Variants in DSCAM observed in about 807,000 individuals in gnomAD.
The protein encoded by DSCAM is DS cell adhesion molecule.
Under a neutral mutation model 217.7 loss-of-function variants are expected in DSCAM, and 47 were observed. The ratio of observed to expected loss-of-function variants is 0.22; its 90% CI spans 0.17 to 0.28. The LOEUF is 0.28. Among genes scored for constraint, DSCAM ranks in the 10% least tolerant of loss-of-function variants. The probability of loss-of-function intolerance (pLI) is 1.00; values close to 1 mark genes in which losing one functional copy is unlikely to be tolerated. For synonymous variants in DSCAM, 1,056 were observed against 1,015.3 expected, an observed-to-expected ratio of 1.04 and a Z score of -0.76; for missense variants, 2,080 against 2,618.3, an observed-to-expected ratio of 0.79 and a Z score of 4.49.
intron 3 of DSCAM, among the ~76,000 whole-genome samples, chr21:40,620,627 G>C (rs2146298720): frequency 6.6e-6 from 1 of 152,286 alleles, no homozygotes; most frequent in African/African-American, 2.4e-5. Context: ...AATACCAAAT[G>C]ATGGTGAGAA....
Position 40,390,874 on chromosome 21 carries a change from C to A in DSCAM, c.509-21629G>T, listed in dbSNP as rs191286018. Among the ~76,000 whole-genome samples, 884 of 152,230 alleles carry A rather than the reference C, an allele frequency of 5.8e-3. 7 individuals carry two copies. The highest frequency in any genetic ancestry group is 6.7e-3 in the Non-Finnish European group (457 of 68,026). On this transcript the variant is annotated intron_variant, in intron 3 of 32. Coordinates refer to ENST00000400454, the MANE Select transcript of DSCAM (RefSeq NM_001389.5). Reference sequence around the variant, plus strand: ...ATAAGGTCACATTCTGAGCCACTGGCGCATTAGAGCTTCAATATCATTTGA... The same window carrying A: ...ATAAGGTCACATTCTGAGCCACTGGAGCATTAGAGCTTCAATATCATTTGA...
At chr21:40,648,284 C>T (rs1160596791) in intron 3 of DSCAM, among the ~76,000 whole-genome samples, 1 of 140,062 alleles carries the variant, frequency 7.1e-6, no homozygotes, top group East Asian at 3.0e-4. Flanking sequence ...CACACACACT[C>T]ACACACTGCT....
intron 29 of DSCAM, 65 bp downstream of exon 29, chr21:40,055,660 G>T: frequency 8.2e-7 from 1 of 1,220,844 alleles, no homozygotes; most frequent in Non-Finnish European, 1.2e-6. Flanking sequence ...ACATCCTGGG[G>T]TTTGGATTGA....
At chr21:40,187,687 G>A (rs563367770) in intron 13 of DSCAM, among the ~76,000 whole-genome samples, 7 of 152,194 alleles carry the variant, frequency 4.6e-5, no homozygotes, top group East Asian at 1.9e-4. Flanking sequence ...TAAGGGCTTC[G>A]TTCCCTGTTT....
intron 3 of DSCAM, among the ~76,000 whole-genome samples, chr21:40,560,810 G>C (rs916035273): frequency 1.3e-5 from 2 of 152,210 alleles, no homozygotes; most frequent in African/African-American, 2.4e-5. Context: ...AGCATCAAAA[G>C]AGAGTATGGA....
chr21:40,084,160 T>C (rs1352535184), intron 23 of DSCAM, among the ~76,000 whole-genome samples, 154 bp from the exon 24 acceptor site: 1 of 152,224 alleles, frequency 6.6e-6, no homozygotes, highest in Non-Finnish European at 1.5e-5. Flanking sequence ...AAAATGTCTA[T>C]TTAGTTGATA....
intron 32 of DSCAM, among the ~76,000 whole-genome samples, chr21:40,031,238 A>ATG (rs1490669340): frequency 2.0e-5 from 3 of 152,106 alleles, no homozygotes; most frequent in African/African-American, 7.2e-5. Context: ...GAGAACAGTG[A>ATG]TGTGGGGGTA....
At chr21:40,583,776 C>T (rs1601765138) in intron 3 of DSCAM, among the ~76,000 whole-genome samples, 1 of 151,882 alleles carries the variant, frequency 6.6e-6, no homozygotes, top group East Asian at 1.9e-4. Context: ...AACAAATGTA[C>T]CACTCTTGCG....
intron 11 of DSCAM, among the ~76,000 whole-genome samples, chr21:40,225,333 A>G (rs2091322607): frequency 6.6e-6 from 1 of 152,128 alleles, no homozygotes; most frequent in African/African-American, 2.4e-5. Context: ...AGCCCATGAC[A>G]TCTGCCTTGT....
chr21:40,363,240 G>C (rs902745942), intron 4 of DSCAM, among the ~76,000 whole-genome samples: 23 of 135,012 alleles, frequency 1.7e-4, no homozygotes, highest in Non-Finnish European at 2.8e-4. Flanking sequence ...TGTACCAATA[G>C]TTTTTTGTGT....
chr21:40,499,606 A>G (rs571317236), intron 3 of DSCAM, among the ~76,000 whole-genome samples: 13 of 152,344 alleles, frequency 8.5e-5, no homozygotes, highest in African/African-American at 3.1e-4. Flanking sequence ...TAATTAGGGA[A>G]TTTAACTTTA....
intron 3 of DSCAM, among the ~76,000 whole-genome samples, chr21:40,616,857 A>T (rs1161520046): frequency 6.6e-6 from 1 of 151,652 alleles, no homozygotes; most frequent in Non-Finnish European, 1.5e-5. Flanking sequence ...CTCTACTAAA[A>T]ATACAAAAAA....
At chr21:40,716,836 G>C (rs1340875220) in intron 1 of DSCAM, among the ~76,000 whole-genome samples, 1 of 152,138 alleles carries the variant, frequency 6.6e-6, no homozygotes, top group Non-Finnish European at 1.5e-5. Flanking sequence ...TACTGCCAAG[G>C]AAATTTCAGT....
intron 19 of DSCAM, among the ~76,000 whole-genome samples, chr21:40,131,813 T>C (rs2090157086): frequency 1.3e-5 from 2 of 152,166 alleles, no homozygotes; most frequent in African/African-American, 4.8e-5. Context: ...GGCAGGGTTT[T>C]CGATAGTCAA....
At position 40,605,791 on chromosome 21, in the gene DSCAM, CTTTTTTT is replaced by C. The variant is rs755767800; in HGVS notation, c.508+87012_508+87018del. 1.9e-3 allele frequency among the ~76,000 whole-genome samples: 120 copies of C among 62,008 alleles called. 4 individuals carry two copies. Among genetic ancestry groups the C allele is most frequent in the South Asian group, 0.013 (17 of 1,330 alleles). The allele number at this position is 62,008 out of a possible 152,430, so 40.7% of individuals were successfully genotyped here. A position where few individuals can be genotyped will look rare whatever the true frequency, so the allele number is the denominator to read the frequency against. On this transcript the variant is annotated intron_variant, in intron 3 of 32. Transcript: ENST00000400454. Reference sequence around the variant, plus strand: ...CTTATATATGTGCTTAATGCACATTCTTTTTTTTTTTTTTTTTTTTTTTTTTTTTAAG... The same window carrying C: ...CTTATATATGTGCTTAATGCACATTCTTTTTTTTTTTTTTTTTTTTTTAAG...
intron 1 of DSCAM, among the ~76,000 whole-genome samples, chr21:40,759,402 C>T (rs760176): frequency 0.67 from 101,937 of 151,954 alleles, 34,394 homozygotes; most frequent in South Asian, 0.75. Context: ...TCTTTTCAGG[C>T]TGGATTACAT....
At chr21:40,510,248 G>C (rs2076247751) in intron 3 of DSCAM, among the ~76,000 whole-genome samples, 2 of 152,092 alleles carry the variant, frequency 1.3e-5, no homozygotes, top group African/African-American at 4.8e-5. Flanking sequence ...TATAGGCTAG[G>C]CTTCTAAAAA....
At chr21:40,195,255 C>T (rs2090995164) in intron 11 of DSCAM, among the ~76,000 whole-genome samples, 1 of 152,086 alleles carries the variant, frequency 6.6e-6, no homozygotes, top group South Asian at 2.1e-4. Flanking sequence ...ACTCTCAAGT[C>T]TTTTAATGAC....
intron 3 of DSCAM, among the ~76,000 whole-genome samples, chr21:40,458,037 A>G (rs2075777685): frequency 6.6e-6 from 1 of 152,192 alleles, no homozygotes; most frequent in Non-Finnish European, 1.5e-5. Flanking sequence ...TGAAACCTAC[A>G]AGAATTTTTT....
Sources: allele counts gnomAD v4.1 joint callset (sites outside exome capture counted in the v4.1 genomes callset), GRCh38; gene constraint gnomAD v4.1.1; transcripts MANE v1.5; gene names NCBI Gene and HGNC (gene_info 2026-07-23, HGNC 2026-07-21).